The following CNTN5 variants were observed in gnomAD, a reference collection of about 807,000 sequenced individuals.
The protein encoded by CNTN5 is contactin-5.
CNTN5 carries 77 observed loss-of-function variants against 129.1 expected under a neutral mutation model. The observed-to-expected ratio is 0.60, with a 90% CI of 0.50 to 0.72. The LOEUF (loss-of-function observed/expected upper bound fraction) is 0.72, where lower values mean the gene tolerates loss of function less well. Ranked by LOEUF, CNTN5 falls within the 30% of genes least tolerant of loss-of-function variation. The pLI is 0.00. For missense variants in CNTN5, 1,478 were observed against 1,328.8 expected (o/e 1.11, Z -1.75); for synonymous variants, 509 against 465.6 (o/e 1.09, Z -1.20).
intron 1 of CNTN5, among the ~76,000 whole-genome samples, chr11:99,058,977 CA>C (rs1170215020): frequency 1.3e-5 from 2 of 149,082 alleles, no homozygotes; most frequent in Admixed American, 1.4e-4. Flanking sequence ...TATACACATA[CA>C]TACATATATA....
intron 6 of CNTN5, among the ~76,000 whole-genome samples, chr11:99,851,859 T>C (rs1031864856): frequency 2.6e-5 from 4 of 152,222 alleles, no homozygotes; most frequent in Non-Finnish European, 4.4e-5. Context: ...ATTACTTCTC[T>C]GGCTTTTTTC....
At chr11:100,222,515 G>A (rs1949286766) in intron 15 of CNTN5, among the ~76,000 whole-genome samples, 1 of 152,018 alleles carries the variant, frequency 6.6e-6, no homozygotes, top group Non-Finnish European at 1.5e-5. Flanking sequence ...TCTGGAAAAT[G>A]AGACTATCAG....
At chr11:100,280,204 T>A (rs889866081) in intron 18 of CNTN5, among the ~76,000 whole-genome samples, 1 of 151,916 alleles carries the variant, frequency 6.6e-6, no homozygotes, top group Non-Finnish European at 1.5e-5. Context: ...TTGGTCCACA[T>A]TGTAAATTAA....
intron 18 of CNTN5, among the ~76,000 whole-genome samples, chr11:100,289,206 C>T (rs1320119932): frequency 2.6e-5 from 4 of 151,806 alleles, no homozygotes; most frequent in Admixed American, 6.6e-5. Context: ...ACCATTCCTT[C>T]TGAAACTATT....
At chr11:99,594,580 T>A (rs606975) in intron 3 of CNTN5, among the ~76,000 whole-genome samples, 147,964 of 152,250 alleles carry the variant, frequency 0.97, 72,042 homozygotes, top group East Asian at 1. Context: ...GTGGGATTTG[T>A]GGTTCACTTT....
At chr11:100,036,539 A>G (rs1487271809) in intron 9 of CNTN5, among the ~76,000 whole-genome samples, 3 of 145,570 alleles carry the variant, frequency 2.1e-5, no homozygotes, top group Non-Finnish European at 4.6e-5. Flanking sequence ...ATGGCATTGA[A>G]TCTGTAAATT....
chr11:99,118,646 A>C (rs1356180909), intron 1 of CNTN5, among the ~76,000 whole-genome samples: 1 of 152,146 alleles, frequency 6.6e-6, no homozygotes, highest in South Asian at 2.1e-4. Flanking sequence ...AACCTGAGTT[A>C]AAACTCTTTA....
At chr11:99,519,408 T>C (rs1947187013) in intron 2 of CNTN5, among the ~76,000 whole-genome samples, 2 of 152,108 alleles carry the variant, frequency 1.3e-5, no homozygotes, top group South Asian at 4.1e-4. Flanking sequence ...ATTTAATTAA[T>C]GTCTCTACAC....
At chr11:99,432,454 T>TCTTTC (rs1555143572) in intron 2 of CNTN5, among the ~76,000 whole-genome samples, 103 of 118,220 alleles carry the variant, frequency 8.7e-4, no homozygotes, top group East Asian at 3.8e-3. Context: ...TCTTTTCTTT[T>TCTTTC]CTTTTCTTTC....
At chr11:99,578,246 G>C (rs952056139) in intron 3 of CNTN5, among the ~76,000 whole-genome samples, 5 of 151,896 alleles carry the variant, frequency 3.3e-5, no homozygotes, top group Non-Finnish European at 7.4e-5. Flanking sequence ...CATTTGGCTT[G>C]GTTCCAAGTC....
chr11:99,354,953 G>A (rs1047787913), intron 2 of CNTN5, among the ~76,000 whole-genome samples: 1 of 152,076 alleles, frequency 6.6e-6, no homozygotes, highest in African/African-American at 2.4e-5. Context: ...AAATACTATG[G>A]ACAGACAGGC....
At chr11:99,595,848 G>A (rs11220582) in intron 3 of CNTN5, among the ~76,000 whole-genome samples, 8,222 of 152,020 alleles carry the variant, frequency 0.054, 318 homozygotes, top group Non-Finnish European at 0.078. Context: ...GAACTTTAGT[G>A]TGGTGCATCA....
intron 1 of CNTN5, among the ~76,000 whole-genome samples, chr11:99,128,062 T>C (rs1858734096): frequency 1.3e-5 from 2 of 152,130 alleles, no homozygotes; most frequent in Non-Finnish European, 2.9e-5. Context: ...CTCATTCCAA[T>C]AACATTAAAA....
intron 1 of CNTN5, among the ~76,000 whole-genome samples, chr11:99,219,003 CT>C (rs1860267639): frequency 6.6e-6 from 1 of 151,964 alleles, no homozygotes; most frequent in African/African-American, 2.4e-5. Context: ...TGGTAAGCCC[CT>C]GGACTGCTTT....
intron 1 of CNTN5, among the ~76,000 whole-genome samples, chr11:99,032,380 C>G (rs373995791): frequency 1.3e-5 from 2 of 150,504 alleles, no homozygotes; most frequent in Admixed American, 6.6e-5. Context: ...TACAGTCCCA[C>G]CAACAGTGTA....
intron 2 of CNTN5, among the ~76,000 whole-genome samples, chr11:99,535,741 TG>T (rs1333939101): frequency 2.0e-5 from 3 of 152,146 alleles, no homozygotes; most frequent in Admixed American, 1.3e-4. Context: ...GCAAAATCTT[TG>T]TAAAAATGAT....
chr11:99,638,660 A>T lies in CNTN5; in HGVS notation c.55+82391A>T, dbSNP rs1448150086. Among the ~76,000 whole-genome samples, 4 of 152,196 alleles carry T rather than the reference A, an allele frequency of 2.6e-5. No homozygotes were observed. The East Asian group carries it at 5.8e-4, about 22-fold the overall frequency. On this transcript the variant is annotated intron_variant, in intron 3 of 24. Transcript: ENST00000524871. ...TAAAACAAAGGGGTTTTCAGGGTCCATGCAAGTCCAAAATCCAGCAGGGCA... is the reference window on the plus strand; with the variant it reads ...TAAAACAAAGGGGTTTTCAGGGTCCTTGCAAGTCCAAAATCCAGCAGGGCA...
chr11:100,282,044 A>G (rs1184893512), intron 18 of CNTN5, among the ~76,000 whole-genome samples: 1 of 100,578 alleles, frequency 9.9e-6, no homozygotes. Flanking sequence ...ATTTTGATTT[A>G]TCTGTCTGAA....
In CNTN5 at chr11:100,326,171, T is replaced by G. The variant is rs190550523; in HGVS notation, c.2731-14292T>G. 8.7e-3 allele frequency among the ~76,000 whole-genome samples: 1,330 copies of G among 152,230 alleles called. 9 individuals carry two copies. Among genetic ancestry groups the G allele is most frequent in the Non-Finnish European group, 0.014 (940 of 68,000 alleles). On this transcript the variant is annotated intron_variant, in intron 21 of 24. Coordinates refer to ENST00000524871, the MANE Select transcript of CNTN5 (RefSeq NM_014361.4). ...AGAGTACAAACTTGAGAAATAATTG[T>G]AGAATGCAAAGTAAATCAATAAGAA...
Sources: allele counts gnomAD v4.1 joint callset (sites outside exome capture counted in the v4.1 genomes callset), GRCh38; gene constraint gnomAD v4.1.1; transcripts MANE v1.5; gene names NCBI Gene and HGNC (gene_info 2026-07-23, HGNC 2026-07-21).